ESR2: variants seen among roughly 807,000 people sequenced by gnomAD.
The protein encoded by ESR2 is estrogen receptor 2.
A neutral mutation model predicts 49.6 loss-of-function variants in ESR2; 36 were observed. That is an observed-to-expected ratio of 0.73 (90% CI 0.56 to 0.96). The LOEUF (loss-of-function observed/expected upper bound fraction) is 0.96, where lower values mean the gene tolerates loss of function less well. Ranked by LOEUF, ESR2 falls within the 40% of genes least tolerant of loss-of-function variation. ESR2 has a pLI of 0.00. For synonymous variants in ESR2, 320 were observed against 266.1 expected (o/e 1.20, Z -1.97); for missense variants, 714 against 693.0 (o/e 1.03, Z -0.34).
intron 3 of ESR2, among the ~76,000 whole-genome samples, chr14:64,275,440 A>G (rs900590153): frequency 6.6e-6 from 1 of 151,944 alleles, no homozygotes; most frequent in Non-Finnish European, 1.5e-5. Flanking sequence ...ATATTTTTCC[A>G]TCCCTTTATT....
intron 1 of ESR2, chr14:64,301,590 G>C (rs981993241): frequency 1.3e-5 from 2 of 152,224 alleles, no homozygotes; most frequent in Non-Finnish European, 2.9e-5. Context: ...TCTACGGAGA[G>C]AACAGAGAAC....
chr14:64,281,554 T>C (rs570684287), intron 2 of ESR2, among the ~76,000 whole-genome samples: 1 of 152,158 alleles, frequency 6.6e-6, no homozygotes, highest in East Asian at 1.9e-4. Context: ...TGGTGCAATG[T>C]TACTGTCTCA....
At position 64,328,529 on chromosome 14, in the gene ESR2, T is replaced by C. The variant is rs546519307; in HGVS notation, c.-91+9369A>G. ...TTAAGAAGACATTTGGAGAGCAATA[T>C]CTGCCTGGGTAGTAGGATAATATTA... On this transcript the variant is annotated intron_variant, in intron 1 of 8. Transcript: ENST00000358599. Among the ~76,000 whole-genome samples, 3 of 152,346 alleles carry C rather than the reference T, an allele frequency of 2.0e-5. No individual in the cohort carries two copies. In the South Asian group the frequency reaches 6.2e-4, roughly 32 times the overall value.
chr14:64,228,792 AAAAC>A lies in ESR2; in HGVS notation c.*4341_*4344del, dbSNP rs527449534. ...AAGTGAATAGGATCCTCGGAATTAAAAAACAAACAAACAAACAAACAAAAAACCT... is the reference window on the plus strand; with the variant it reads ...AAGTGAATAGGATCCTCGGAATTAAAAAACAAACAAACAAACAAAAAACCT... On this transcript the variant is annotated 3_prime_UTR_variant, in exon 9 of 9. Transcript: ENST00000341099. Among the ~76,000 whole-genome samples the A allele has an allele frequency of 2.2e-3, 328 of 152,308 alleles. 6 individuals carry two copies. Among genetic ancestry groups the A allele is most frequent in the East Asian group, 2.1e-3 (11 of 5,188 alleles).
intron 5 of ESR2, among the ~76,000 whole-genome samples, chr14:64,259,087 G>A (rs1021320940): frequency 2.0e-5 from 3 of 152,174 alleles, no homozygotes; most frequent in East Asian, 1.9e-4. Flanking sequence ...CTGCAAAATC[G>A]TGTTTGGAAT....
chr14:64,333,116 A>C (rs964191621), intron 1 of ESR2, among the ~76,000 whole-genome samples: 25 of 151,944 alleles, frequency 1.6e-4, no homozygotes, highest in African/African-American at 5.8e-4. Flanking sequence ...TGACCTTGAT[A>C]ATCACAAGTC....
chr14:64,275,501 G>A (rs1024076426), intron 3 of ESR2, among the ~76,000 whole-genome samples: 1 of 152,094 alleles, frequency 6.6e-6, no homozygotes, highest in African/African-American at 2.4e-5. Context: ...TCAGGAGTTC[G>A]AGACCAGCCT....
chr14:64,331,685 G>T (rs551683965), intron 1 of ESR2, among the ~76,000 whole-genome samples: 56 of 152,040 alleles, frequency 3.7e-4, no homozygotes, highest in African/African-American at 1.3e-3. Flanking sequence ...AATTAGCCGA[G>T]CGTGGTGGCG....
chr14:64,266,011 G>A (rs2076321879), intron 4 of ESR2, among the ~76,000 whole-genome samples: 2 of 152,036 alleles, frequency 1.3e-5, no homozygotes, highest in African/African-American at 4.8e-5. Flanking sequence ...GTCAGTGAAG[G>A]GCAAAATATC....
intron 7 of ESR2, among the ~76,000 whole-genome samples, chr14:64,241,169 A>AAAAAAAAAAAAAAT (rs2075721340): frequency 7.0e-6 from 1 of 143,228 alleles, no homozygotes; most frequent in Non-Finnish European, 1.5e-5. Flanking sequence ...AAAAAAAAAA[A>AAAAAAAAAAAAAAT]AGATAGGCTA....
chr14:64,318,450 T>G lies in ESR2; in HGVS notation c.-91+19448A>C, dbSNP rs142417685. On this transcript the variant is annotated intron_variant, in intron 1 of 8. Transcript: ENST00000358599. ...TACTTGGGAGGCTTAGGCAGGAGCA[T>G]CCTTTGAATCTGGGATGCAAAAGTT... is the stretch of plus-strand genomic sequence containing the variant. Among the ~76,000 whole-genome samples the G allele has an allele frequency of 3.4e-3, 467 of 137,882 alleles. 6 individuals are homozygous for G. The highest frequency in any genetic ancestry group is 0.012 in the African/African-American group (448 of 36,202). 90.5% of individuals were successfully genotyped at this position (137,882 alleles called of 152,430 possible). A position where few individuals can be genotyped will look rare whatever the true frequency, so the allele number is the denominator to read the frequency against.
At chr14:64,313,596 AAAG>A (rs1040696373) in intron 1 of ESR2, among the ~76,000 whole-genome samples, 2 of 151,660 alleles carry the variant, frequency 1.3e-5, no homozygotes, top group Admixed American at 6.6e-5. Context: ...AGAAAAGAAA[AAAG>A]AAAGAAGAGG....
At chr14:64,269,364 TAAAG>T (rs1204717026) in intron 3 of ESR2, among the ~76,000 whole-genome samples, 8 of 152,168 alleles carry the variant, frequency 5.3e-5, no homozygotes, top group Non-Finnish European at 8.8e-5. Context: ...AAGGAACAAA[TAAAG>T]AAATTAGCAA....
In ESR2 at chr14:64,314,162, C is replaced by T. The variant is rs1056313673; in HGVS notation, c.-91+23736G>A. 4.6e-5 allele frequency among the ~76,000 whole-genome samples: 7 copies of T among 151,764 alleles called. No individual in the cohort carries two copies. The South Asian group carries it at 8.4e-4, about 18-fold the overall frequency. Reference sequence around the variant, plus strand: ...TCAAAATATTTACAAGAATTGAAATCGTATAGAATGTGATTTCTGACCACA... The same window carrying T: ...TCAAAATATTTACAAGAATTGAAATTGTATAGAATGTGATTTCTGACCACA... On this transcript the variant is annotated intron_variant, in intron 1 of 8. Coordinates refer to the ESR2 transcript ENST00000358599.
At chr14:64,238,509 C>T (rs573602207) in intron 7 of ESR2, among the ~76,000 whole-genome samples, 2 of 152,096 alleles carry the variant, frequency 1.3e-5, no homozygotes, top group Non-Finnish European at 2.9e-5. Flanking sequence ...GTCAGCAGTG[C>T]GTGCCTGCAC....
intron 7 of ESR2, among the ~76,000 whole-genome samples, chr14:64,248,306 G>T (rs140312351): frequency 4.6e-5 from 7 of 151,982 alleles, no homozygotes; most frequent in African/African-American, 1.7e-4. Flanking sequence ...GGAGTTCAAG[G>T]CCACCTCTGG....
upstream of ESR2, chr14:64,297,784 T>A (rs937722535): frequency 5.3e-5 from 8 of 151,854 alleles, no homozygotes; most frequent in African/African-American, 1.9e-4. Context: ...GCTACAGATG[T>A]CTAGAAGGGT....
At chr14:64,312,759 A>G (rs963415876) in intron 1 of ESR2, among the ~76,000 whole-genome samples, 4 of 152,054 alleles carry the variant, frequency 2.6e-5, no homozygotes, top group African/African-American at 9.7e-5. Context: ...ATACAAAAAA[A>G]TTATCCAGGC....
At chr14:64,261,244 T>TTC (rs1399738905) in intron 4 of ESR2, among the ~76,000 whole-genome samples, 5 of 135,282 alleles carry the variant, frequency 3.7e-5, no homozygotes, top group African/African-American at 1.1e-4. Context: ...TTTTTCTTTT[T>TTC]TTTTTTTTTT....
Sources: allele counts gnomAD v4.1 joint callset (sites outside exome capture counted in the v4.1 genomes callset), GRCh38; gene constraint gnomAD v4.1.1; transcripts MANE v1.5; gene names NCBI Gene and HGNC (gene_info 2026-07-23, HGNC 2026-07-21).